ABLIM1: variants seen among roughly 807,000 people sequenced by gnomAD.
ABLIM1 encodes the protein actin binding LIM protein 1.
Under a neutral mutation model 107.0 loss-of-function variants are expected in ABLIM1, and 40 were observed. The observed-to-expected ratio is 0.37, with a 90% CI of 0.29 to 0.49. ABLIM1 has a LOEUF of 0.49. Ranked by LOEUF, ABLIM1 falls within the 20% of genes least tolerant of loss-of-function variation. The pLI is 0.97. For missense variants in ABLIM1, 857 were observed against 1,008.5 expected, an observed-to-expected ratio of 0.85 and a Z score of 2.04; for synonymous variants, 357 against 357.3, an observed-to-expected ratio of 1.00 and a Z score of 0.01.
chr10:114,784,572 CAGG>C, the ABLIM1 span, among the ~76,000 whole-genome samples: 1 of 144,556 alleles, frequency 6.9e-6, no homozygotes, highest in African/African-American at 2.6e-5. Context: ...GAGGCTGAGG[CAGG>C]AGAATTGCTT....
At chr10:114,611,151 C>CA (rs71007482) in intron 1 of ABLIM1, among the ~76,000 whole-genome samples, 21,947 of 135,010 alleles carry the variant, frequency 0.16, 2,084 homozygotes, top group African/African-American at 0.29. Flanking sequence ...GACTCCATCT[C>CA]AAAAAAAAAA....
At chr10:114,506,708 G>A (rs1377809874) in intron 6 of ABLIM1, among the ~76,000 whole-genome samples, 2 of 152,214 alleles carry the variant, frequency 1.3e-5, no homozygotes, top group Admixed American at 6.5e-5. Context: ...TTTTTTAATT[G>A]TTTAAGTTTC....
intron 6 of ABLIM1, among the ~76,000 whole-genome samples, chr10:114,499,781 G>A (rs1452984792): frequency 2.0e-5 from 3 of 152,174 alleles, no homozygotes; most frequent in South Asian, 2.1e-4. Context: ...GTGCATGGGC[G>A]GAAGGGAGAG....
intron 1 of ABLIM1, among the ~76,000 whole-genome samples, chr10:114,618,065 T>TC (rs2077240518): frequency 6.6e-6 from 1 of 152,226 alleles, no homozygotes; most frequent in South Asian, 2.1e-4. Flanking sequence ...ACTTTTGGTG[T>TC]TTTTTCTTAA....
intron 6 of ABLIM1, among the ~76,000 whole-genome samples, chr10:114,501,139 G>A (rs868318489): frequency 2.5e-4 from 38 of 152,172 alleles, no homozygotes; most frequent in Middle Eastern, 3.2e-3. Context: ...CAGACACCAT[G>A]ATAGGCACCT....
chr10:114,664,845 C>G (rs572531951), intron 1 of ABLIM1, among the ~76,000 whole-genome samples: 10 of 150,704 alleles, frequency 6.6e-5, no homozygotes, highest in Middle Eastern at 3.5e-3. Flanking sequence ...CCTAATGTTT[C>G]TTTCATAATA....
At chr10:114,551,005 T>C (rs2067992027) in intron 4 of ABLIM1, among the ~76,000 whole-genome samples, 2 of 152,170 alleles carry the variant, frequency 1.3e-5, no homozygotes, top group South Asian at 2.1e-4. Flanking sequence ...GTCTCTCTGC[T>C]GCACCAAAAG....
chr10:114,519,147 G>A (rs1251765512), intron 6 of ABLIM1, among the ~76,000 whole-genome samples: 1 of 152,160 alleles, frequency 6.6e-6, no homozygotes, highest in Non-Finnish European at 1.5e-5. Flanking sequence ...GTGCAGAGGG[G>A]ATAGAGAAGC....
rs1373492762 is a variant in ABLIM1 at position 114,532,004 on chromosome 10, G to A, written c.894+13001C>T. Among the ~76,000 whole-genome samples the A allele has an allele frequency of 2.0e-5, 3 of 152,078 alleles. No homozygotes were observed. The East Asian group carries it at 5.8e-4, about 29-fold the overall frequency. ...TAATTTTTGTATTTTTAGTAGATACGGGGTTTCATGATGTTGGCCAGGCTC... is the reference window on the plus strand; with the variant it reads ...TAATTTTTGTATTTTTAGTAGATACAGGGTTTCATGATGTTGGCCAGGCTC... On this transcript the variant is annotated intron_variant, in intron 6 of 22. Transcript: ENST00000533213.
chr10:114,513,547 C>T (rs1438229125), intron 6 of ABLIM1, among the ~76,000 whole-genome samples: 1 of 152,162 alleles, frequency 6.6e-6, no homozygotes, highest in African/African-American at 2.4e-5. Context: ...TTCATCTAGT[C>T]GACATGCTTC....
At chr10:114,441,141 A>T in intron 18 of ABLIM1, 64 bp from the exon 19 acceptor site, 2 of 1,469,594 alleles carry the variant, frequency 1.4e-6, no homozygotes, top group Non-Finnish European at 1.8e-6. Context: ...TCAGGTGAAA[A>T]GGAAGAAAGA....
upstream of ABLIM1, among the ~76,000 whole-genome samples, chr10:114,771,051 G>A (rs1442523822): frequency 3.9e-5 from 6 of 152,232 alleles, no homozygotes; most frequent in South Asian, 2.1e-4. Context: ...GGCTGGTCTC[G>A]AACTCCAGGC....
At chr10:114,543,346 A>G (rs1166623356) in intron 6 of ABLIM1, among the ~76,000 whole-genome samples, 1 of 152,072 alleles carries the variant, frequency 6.6e-6, no homozygotes, top group Non-Finnish European at 1.5e-5. Flanking sequence ...TTTGGCAACT[A>G]CCAATCTGCT....
At chr10:114,593,357 T>G (rs2075103775) in intron 2 of ABLIM1, among the ~76,000 whole-genome samples, 1 of 152,206 alleles carries the variant, frequency 6.6e-6, no homozygotes, top group Non-Finnish European at 1.5e-5. Context: ...TAATGGATAC[T>G]GGCAGAAGAC....
upstream of ABLIM1, among the ~76,000 whole-genome samples, chr10:114,769,461 AAGAAAGAAAGAAAGAAAG>A (rs1197658092): frequency 1.9e-3 from 187 of 99,550 alleles, no homozygotes; most frequent in African/African-American, 5.9e-3. Context: ...GAAAGAAAGA[AAGAAAGAAAGAAAGAAAG>A]AGAAAGAAAG....
At chr10:114,626,595 C>T (rs1344240717) in intron 1 of ABLIM1, among the ~76,000 whole-genome samples, 1 of 152,184 alleles carries the variant, frequency 6.6e-6, no homozygotes, top group Non-Finnish European at 1.5e-5. Context: ...AACTCTCTCC[C>T]ATCCACATCC....
In ABLIM1 at chr10:114,726,943, C is replaced by T. The variant is rs74158045; in HGVS notation, c.-213+41118G>A. Among the ~76,000 whole-genome samples the T allele has an allele frequency of 3.9e-3, 600 of 152,308 alleles. 3 individuals are homozygous for T. The highest frequency in any genetic ancestry group is 0.014 in the African/African-American group (573 of 41,568). ...GTAGGGACATACATTTAAACCATAT[C>T]AGTGAGTTAGAGCAATTCAACTTGG... is the stretch of plus-strand genomic sequence containing the variant. On this transcript the variant is annotated intron_variant, in intron 1 of 15. Transcript: ENST00000651092.
chr10:114,550,181 T>C (rs1175482511), intron 4 of ABLIM1, among the ~76,000 whole-genome samples: 1 of 152,146 alleles, frequency 6.6e-6, no homozygotes, highest in Non-Finnish European at 1.5e-5. Flanking sequence ...TGAGTGTATA[T>C]TAGATGGTCA....
At chr10:114,769,414 GAAAAGAAGGAAAGAAAGAAA>G (rs1566323956), upstream of ABLIM1, among the ~76,000 whole-genome samples, 5 of 47,730 alleles carry the variant, frequency 1.0e-4, no homozygotes, top group African/African-American at 4.2e-4. Context: ...AAGAAAGAAA[GAAAAGAAGGAAAGAAAGAAA>G]GAAAGAAAGA....
Sources: allele counts gnomAD v4.1 joint callset (sites outside exome capture counted in the v4.1 genomes callset), GRCh38; gene constraint gnomAD v4.1.1; transcripts MANE v1.5; gene names NCBI Gene and HGNC (gene_info 2026-07-23, HGNC 2026-07-21).